NAV1: variants seen among roughly 807,000 people sequenced by gnomAD.
The protein encoded by NAV1 is pore membrane and/or filament interacting like protein 3.
NAV1 carries 18 observed loss-of-function variants against 175.2 expected under a neutral mutation model. That is an observed-to-expected ratio of 0.10 (90% CI 0.07 to 0.15). The LOEUF (loss-of-function observed/expected upper bound fraction) is 0.15, where lower values mean the gene tolerates loss of function less well. NAV1 is among the 10% of genes least tolerant of loss of function. The pLI is 1.00. For synonymous variants in NAV1, 897 were observed against 978.7 expected, an observed-to-expected ratio of 0.92 and a Z score of 1.56; for missense variants, 1,731 against 2,436.6, an observed-to-expected ratio of 0.71 and a Z score of 6.10.
exon 1 of NAV1, chr1:201,648,787 G>A (rs1195242003): frequency 2.0e-6 from 3 of 1,495,424 alleles, no homozygotes; most frequent in African/African-American, 2.8e-5. Flanking sequence ...GCGGACGGCA[G>A]AGGCATGCTG....
At chr1:201,581,436 G>A (rs989039688) in intron 1 of NAV1, among the ~76,000 whole-genome samples, 3 of 152,208 alleles carry the variant, frequency 2.0e-5, no homozygotes, top group African/African-American at 7.2e-5. Context: ...GAGTCTGTGA[G>A]CATCCCAGTA....
At chr1:201,717,125 G>A (rs1035559155) in intron 2 of NAV1, among the ~76,000 whole-genome samples, 7 of 152,226 alleles carry the variant, frequency 4.6e-5, no homozygotes, top group African/African-American at 1.4e-4. Flanking sequence ...GTCCAATAGA[G>A]ACAACTTTGG....
chr1:201,764,547 C>G (rs1035831312), intron 3 of NAV1, among the ~76,000 whole-genome samples: 2 of 152,178 alleles, frequency 1.3e-5, no homozygotes, highest in African/African-American at 4.8e-5. Context: ...TCCCTGAACG[C>G]CCCATCTCCA....
At chr1:201,549,128 TTTCTTTCTTTCTTTC>T (rs751983970) in intron 1 of NAV1, among the ~76,000 whole-genome samples, 496 of 148,534 alleles carry the variant, frequency 3.3e-3, no homozygotes, top group Middle Eastern at 7.0e-3. Context: ...TCTTTCTTTC[TTTCTTTCTTTCTTTC>T]TTCTTTCTCT....
At chr1:201,598,925 C>G (rs534621497) in intron 2 of NAV1, among the ~76,000 whole-genome samples, 47 of 152,304 alleles carry the variant, frequency 3.1e-4, no homozygotes, top group African/African-American at 9.4e-4. Flanking sequence ...ACATCCCTCC[C>G]CCTGCCTCTG....
Position 201,758,153 on chromosome 1 carries a change from A to G in NAV1, c.1227-22268A>G, listed in dbSNP as rs138114312. Among the ~76,000 whole-genome samples the G allele has an allele frequency of 3.9e-4, 60 of 152,286 alleles. No homozygotes were observed. The East Asian group carries it at 9.7e-3, about 25-fold the overall frequency. On this transcript the variant is annotated intron_variant, in intron 3 of 29. Transcript: ENST00000367296. ...TCTTTGGGGCCAGATAGGGTCCTTG[A>G]TAAGTTTTCCTAAAGAGGAAAGATG...
intron 3 of NAV1, among the ~76,000 whole-genome samples, chr1:201,756,420 C>T (rs1354045886): frequency 6.6e-6 from 1 of 152,182 alleles, no homozygotes; most frequent in Non-Finnish European, 1.5e-5. Flanking sequence ...ATTTTACCAA[C>T]TCTTCATATT....
intron 1 of NAV1, among the ~76,000 whole-genome samples, chr1:201,556,365 C>A (rs1248260653): frequency 6.6e-6 from 1 of 151,628 alleles, no homozygotes; most frequent in African/African-American, 2.4e-5. Context: ...TTGCAATGAG[C>A]TGAGATCGCA....
At chr1:201,632,619 A>G (rs1481272823) in intron 2 of NAV1, among the ~76,000 whole-genome samples, 1 of 152,250 alleles carries the variant, frequency 6.6e-6, no homozygotes, top group Non-Finnish European at 1.5e-5. Flanking sequence ...AGATTCTTTA[A>G]TGACTTCCAC....
At chr1:201,765,382 T>C (rs989930509) in intron 3 of NAV1, among the ~76,000 whole-genome samples, 3 of 33,296 alleles carry the variant, frequency 9.0e-5, no homozygotes, top group East Asian at 1.3e-3. Flanking sequence ...GGAAATATTC[T>C]TTTTTTTTTT....
chr1:201,701,712 T>A (rs1188449078), intron 1 of NAV1, among the ~76,000 whole-genome samples: 1 of 152,214 alleles, frequency 6.6e-6, no homozygotes, highest in East Asian at 1.9e-4. Flanking sequence ...ACTGGATGGC[T>A]ATCAAAAAGA....
intron 1 of NAV1, among the ~76,000 whole-genome samples, chr1:201,675,713 C>A (rs1670222076): frequency 6.6e-6 from 1 of 152,202 alleles, no homozygotes; most frequent in African/African-American, 2.4e-5. Context: ...AGGGGTACAA[C>A]CCCTACAGTT....
At chr1:201,789,099 T>A (rs1437340272) in intron 10 of NAV1, among the ~76,000 whole-genome samples, 1 of 152,182 alleles carries the variant, frequency 6.6e-6, no homozygotes. Flanking sequence ...GGGAGGGCCA[T>A]CTGATTGTTG....
At chr1:201,646,099 C>T (rs909694580), upstream of NAV1, among the ~76,000 whole-genome samples, 5 of 152,176 alleles carry the variant, frequency 3.3e-5, no homozygotes, top group East Asian at 1.9e-4. Context: ...ATGGGTACTT[C>T]GTGTGTGCCC....
chr1:201,595,298 G>A (rs1029026911), intron 2 of NAV1, among the ~76,000 whole-genome samples: 2 of 152,224 alleles, frequency 1.3e-5, no homozygotes, highest in Non-Finnish European at 2.9e-5. Flanking sequence ...GTAGTAGTAG[G>A]CACCTCACCC....
chr1:201,793,897 G>A, intron 14 of NAV1, 22 bp downstream of exon 18: 2 of 1,537,260 alleles, frequency 1.3e-6, no homozygotes, highest in Non-Finnish European at 1.8e-6. Flanking sequence ...GGGAAAGGGT[G>A]GGAGGGGTGG....
At chr1:201,615,263 C>CTTTTTTTTT (rs1256633287) in intron 2 of NAV1, among the ~76,000 whole-genome samples, 3 of 145,024 alleles carry the variant, frequency 2.1e-5, no homozygotes, top group Non-Finnish European at 3.0e-5. Context: ...TTCTTTCTTT[C>CTTTTTTTTT]TTTCTTTTTT....
chr1:201,790,872 G>C (rs1027602419), intron 13 of NAV1, 106 bp downstream of exon 17: 1 of 1,027,346 alleles, frequency 9.7e-7, no homozygotes, highest in Non-Finnish European at 1.5e-6. Context: ...CCTGGACTGA[G>C]ACGTCAAGGG....
chr1:201,740,220 G>C lies in NAV1; in HGVS notation c.1226+21465G>C. 1.4e-6 allele frequency: 1 copy of C among 692,662 alleles called. No homozygotes were observed. Among genetic ancestry groups the C allele is most frequent in the South Asian group, 2.3e-5 (1 of 42,802 alleles). 42.9% of individuals were successfully genotyped at this position (692,662 alleles called of 1,614,324 possible). ...TGGGTGTGGGGTCCGCAAGAAGGAG[G>C]GTCTTGGCCGCGCTCGCTTTTCCGC... On this transcript the variant is annotated intron_variant, in intron 3 of 29. Coordinates refer to ENST00000367296, the Ensembl canonical transcript of NAV1. This position sits in a 1 kb window ranked among gnomAD's most constrained non-coding sequence, Gnocchi z 4.7.
Sources: allele counts gnomAD v4.1 joint callset (sites outside exome capture counted in the v4.1 genomes callset), GRCh38; gene constraint gnomAD v4.1.1; non-coding constraint Gnocchi (gnomAD v3.1); transcripts MANE v1.5; gene names NCBI Gene and HGNC (gene_info 2026-07-23, HGNC 2026-07-21).